The following ARHGEF3 variants were observed in gnomAD, a reference collection of about 807,000 sequenced individuals.
ARHGEF3 encodes 59.8 kDA protein.
In ARHGEF3, 28 loss-of-function variants were observed where a neutral mutation model predicts 63.2. The ratio of observed to expected loss-of-function variants is 0.44; its 90% CI spans 0.33 to 0.61. The LOEUF is 0.61. ARHGEF3 is among the 20% of genes least tolerant of loss of function. The pLI is 0.03. For missense variants in ARHGEF3, 533 were observed against 659.3 expected (o/e 0.81, Z 2.10); for synonymous variants, 266 against 254.2 (o/e 1.05, Z -0.44).
chr3:56,837,077 A>G (rs1014782320), intron 4 of ARHGEF3, among the ~76,000 whole-genome samples: 1 of 152,250 alleles, frequency 6.6e-6, no homozygotes, highest in African/African-American at 2.4e-5. Flanking sequence ...GAACCTGCAG[A>G]AAGTACACTT....
At chr3:57,031,907 T>TAAC in intron 2 of ARHGEF3, among the ~76,000 whole-genome samples, 2 of 152,296 alleles carry the variant, frequency 1.3e-5, no homozygotes, top group Non-Finnish European at 2.9e-5. Flanking sequence ...CTTAAAACTG[T>TAAC]AATGCAGAGT....
intron 4 of ARHGEF3, among the ~76,000 whole-genome samples, chr3:56,833,480 A>T (rs2038996679): frequency 6.6e-6 from 1 of 152,180 alleles, no homozygotes; most frequent in African/African-American, 2.4e-5. Flanking sequence ...GTAAATATAA[A>T]TATTTTCTCC....
intron 2 of ARHGEF3, among the ~76,000 whole-genome samples, chr3:57,033,286 T>C (rs1333925774): frequency 1.3e-5 from 2 of 151,714 alleles, no homozygotes; most frequent in South Asian, 2.1e-4. Flanking sequence ...AGGTGGAACA[T>C]ACCAGAAAGC....
intron 1 of ARHGEF3, among the ~76,000 whole-genome samples, chr3:56,792,113 A>AAAAAAAAAAAAAAG (rs55899473): frequency 7.1e-6 from 1 of 140,058 alleles, no homozygotes; most frequent in Non-Finnish European, 1.5e-5. Flanking sequence ...CAAAAAAAAA[A>AAAAAAAAAAAAAAG]AAAAGAAAAG....
intron 4 of ARHGEF3, among the ~76,000 whole-genome samples, chr3:56,873,515 T>C (rs1296522579): frequency 6.6e-6 from 1 of 152,190 alleles, no homozygotes; most frequent in East Asian, 1.9e-4. Context: ...GTTAGTTTGC[T>C]AAAGATAATG....
intron 3 of ARHGEF3, among the ~76,000 whole-genome samples, chr3:56,916,017 T>C (rs2041978680): frequency 6.6e-6 from 1 of 152,166 alleles, no homozygotes; most frequent in Non-Finnish European, 1.5e-5. Context: ...CAATCACTTA[T>C]GCTAAAGGAG....
At chr3:56,888,103 CTTT>C (rs3034853) in intron 3 of ARHGEF3, among the ~76,000 whole-genome samples, 88 of 142,976 alleles carry the variant, frequency 6.2e-4, no homozygotes, top group Admixed American at 1.4e-3. Flanking sequence ...CAAATAAGAG[CTTT>C]TTTTTTTTTT....
At chr3:57,068,212 A>G (rs1326561888) in intron 1 of ARHGEF3, among the ~76,000 whole-genome samples, 3 of 151,920 alleles carry the variant, frequency 2.0e-5, no homozygotes, top group Non-Finnish European at 4.4e-5. Context: ...GTTGCAGTCT[A>G]TGTTTTACAA....
intron 4 of ARHGEF3, among the ~76,000 whole-genome samples, chr3:56,845,577 G>C (rs1247631618): frequency 6.6e-6 from 1 of 152,190 alleles, no homozygotes; most frequent in Non-Finnish European, 1.5e-5. Context: ...TTCACAGTGA[G>C]AGAGAACAGT....
intron 1 of ARHGEF3, chr3:57,060,311 A>AG (rs1001403405): frequency 6.6e-6 from 1 of 152,206 alleles, no homozygotes; most frequent in African/African-American, 2.4e-5. Flanking sequence ...CAAAAAAAAA[A>AG]AAAAAAGGAA....
At chr3:56,800,586 GC>G (rs1251762734) in intron 1 of ARHGEF3, among the ~76,000 whole-genome samples, 1 of 152,128 alleles carries the variant, frequency 6.6e-6, no homozygotes, top group Non-Finnish European at 1.5e-5. Context: ...TTGATGGTGT[GC>G]TCCCGAATAT....
chr3:57,025,918 G>T (rs1308320789), intron 2 of ARHGEF3, among the ~76,000 whole-genome samples: 1 of 152,106 alleles, frequency 6.6e-6, no homozygotes, highest in African/African-American at 2.4e-5. Flanking sequence ...GCCACCTTCA[G>T]CTCAAGCCCC....
At chr3:56,995,256 G>T (rs891713307) in intron 2 of ARHGEF3, among the ~76,000 whole-genome samples, 4 of 152,086 alleles carry the variant, frequency 2.6e-5, no homozygotes, top group African/African-American at 9.7e-5. Flanking sequence ...TGAGGCCGGC[G>T]TCTGGGGGGT....
At chr3:56,767,490 A>G (rs2035769149) in intron 2 of ARHGEF3, among the ~76,000 whole-genome samples, 1 of 146,092 alleles carries the variant, frequency 6.8e-6, no homozygotes, top group South Asian at 2.3e-4. Flanking sequence ...AGGCCGAGAC[A>G]GGAGAATGGC....
At chr3:56,933,054 C>A (rs41320253) in intron 3 of ARHGEF3, among the ~76,000 whole-genome samples, 1 of 152,122 alleles carries the variant, frequency 6.6e-6, no homozygotes, top group Non-Finnish European at 1.5e-5. Flanking sequence ...TACCAGTCTG[C>A]GGCAGTACAC....
intron 2 of ARHGEF3, among the ~76,000 whole-genome samples, chr3:57,012,115 T>C (rs1407880129): frequency 1.3e-5 from 2 of 152,160 alleles, no homozygotes; most frequent in African/African-American, 4.8e-5. Context: ...CTACAGGAGA[T>C]GGCCTCGTGA....
intron 1 of ARHGEF3, among the ~76,000 whole-genome samples, chr3:57,059,527 T>G (rs1579188721): frequency 6.9e-6 from 1 of 143,902 alleles, no homozygotes; most frequent in African/African-American, 2.5e-5. Context: ...GGAGGGAGGG[T>G]GGTGAGCAGC....
At chr3:56,860,041 G>GAGATAGAT (rs71072201) in intron 4 of ARHGEF3, among the ~76,000 whole-genome samples, 2,751 of 150,360 alleles carry the variant, frequency 0.018, 36 homozygotes, top group South Asian at 0.049. Flanking sequence ...GGTCTCAAGA[G>GAGATAGAT]AGATAGATAG....
chr3:57,064,364 T>C (rs972085482), intron 1 of ARHGEF3, among the ~76,000 whole-genome samples: 2 of 152,020 alleles, frequency 1.3e-5, no homozygotes, highest in African/African-American at 4.8e-5. Context: ...CCCTCTGTTA[T>C]CCAGGCTGGG....
Sources: allele counts gnomAD v4.1 joint callset (sites outside exome capture counted in the v4.1 genomes callset), GRCh38; gene constraint gnomAD v4.1.1; transcripts MANE v1.5; gene names NCBI Gene and HGNC (gene_info 2026-07-23, HGNC 2026-07-21).